The following CREB5 variants were observed in gnomAD, a reference collection of about 807,000 sequenced individuals.
The protein encoded by CREB5 is cAMP responsive element binding protein 5, also known as cyclic AMP-responsive element-binding protein 5.
Under a neutral mutation model 57.1 loss-of-function variants are expected in CREB5, and 19 were observed. The ratio of observed to expected loss-of-function variants is 0.33; its 90% CI spans 0.23 to 0.49. The LOEUF is 0.49. Among genes scored for constraint, CREB5 ranks in the 20% least tolerant of loss-of-function variants. The pLI, the probability that CREB5 is intolerant of heterozygous loss-of-function variation, is 0.99. For missense variants in CREB5, 579 were observed against 671.6 expected (o/e 0.86, Z 1.52); for synonymous variants, 238 against 238.3 (o/e 1.00, Z 0.01).
chr7:28,401,901 A>G (rs1787472688), intron 1 of CREB5, among the ~76,000 whole-genome samples: 1 of 152,214 alleles, frequency 6.6e-6, no homozygotes, highest in African/African-American at 2.4e-5. Flanking sequence ...TAGCAGCATG[A>G]TTTATAATCC....
At chr7:28,580,240 A>G (rs1421603994) in intron 5 of CREB5, among the ~76,000 whole-genome samples, 1 of 152,178 alleles carries the variant, frequency 6.6e-6, no homozygotes, top group African/African-American at 2.4e-5. Flanking sequence ...TAATTCAACT[A>G]AGCTTCATGC....
chr7:28,599,637 A>G (rs957285711), intron 5 of CREB5, among the ~76,000 whole-genome samples: 1 of 152,250 alleles, frequency 6.6e-6, no homozygotes, highest in Non-Finnish European at 1.5e-5. Context: ...ATAGCTCTGC[A>G]CTGCTGCAAA....
rs896175167 is a variant in CREB5, at chr7:28,435,634, T to G, written c.3+22717T>G. The stretch of plus-strand genomic sequence containing the variant: ...GGCAAGTTTTAGTGGTGGAGTCAAT[T>G]TATTTCTGAAACGATCTCATTTACC... On this transcript the variant is annotated intron_variant, in intron 1 of 10. Coordinates refer to ENST00000357727, the MANE Select transcript of CREB5 (RefSeq NM_182898.4). 4 of 985,242 alleles carry G rather than the reference T, an allele frequency of 4.1e-6. No homozygotes were observed. The African/African-American group carries it at 7.0e-5, about 17-fold the overall frequency. The allele number at this position is 985,242 out of a possible 1,614,324, so 61.0% of individuals were successfully genotyped here.
chr7:28,425,863 A>T (rs77620529), intron 1 of CREB5, among the ~76,000 whole-genome samples: 135 of 152,258 alleles, frequency 8.9e-4, no homozygotes, highest in African/African-American at 3.1e-3. Flanking sequence ...TTTCCTCTAG[A>T]TGGACTGCTG....
chr7:28,450,205 T>A (rs1196947103), intron 1 of CREB5, among the ~76,000 whole-genome samples: 2 of 152,216 alleles, frequency 1.3e-5, no homozygotes, highest in Non-Finnish European at 2.9e-5. Flanking sequence ...AATCCTGTTG[T>A]GACTGATAAT....
At chr7:28,418,255 T>C (rs1788099672) in intron 1 of CREB5, among the ~76,000 whole-genome samples, 1 of 152,238 alleles carries the variant, frequency 6.6e-6, no homozygotes, top group East Asian at 1.9e-4. Flanking sequence ...TTTAAAATAT[T>C]AGAAGAATCA....
chr7:28,392,023 C>G (rs1787227034), intron 1 of CREB5, among the ~76,000 whole-genome samples: 1 of 152,070 alleles, frequency 6.6e-6, no homozygotes, highest in Non-Finnish European at 1.5e-5. Flanking sequence ...AATGGAGGAA[C>G]AGAAAACCAA....
intron 5 of CREB5, among the ~76,000 whole-genome samples, chr7:28,598,591 A>C (rs1197739144): frequency 6.6e-6 from 1 of 152,152 alleles, no homozygotes; most frequent in Non-Finnish European, 1.5e-5. Flanking sequence ...GTTAATTAGC[A>C]CTGGTGAGTC....
chr7:28,573,690 G>C (rs1795793661), intron 5 of CREB5, among the ~76,000 whole-genome samples: 1 of 152,186 alleles, frequency 6.6e-6, no homozygotes, highest in South Asian at 2.1e-4. Flanking sequence ...AATGTATTGA[G>C]AGAGCTATCA....
chr7:28,531,554 G>A (rs1246613332), intron 4 of CREB5, among the ~76,000 whole-genome samples: 1 of 152,170 alleles, frequency 6.6e-6, no homozygotes, highest in Non-Finnish European at 1.5e-5. Context: ...TTACATCTGT[G>A]ATGACCCTGT....
intron 4 of CREB5, among the ~76,000 whole-genome samples, chr7:28,518,298 C>A (rs1341878999): frequency 6.6e-6 from 1 of 152,166 alleles, no homozygotes; most frequent in Non-Finnish European, 1.5e-5. Flanking sequence ...TCAGGCTCTG[C>A]AAGCAGTCAC....
intron 1 of CREB5, among the ~76,000 whole-genome samples, chr7:28,444,564 T>C (rs1192272990): frequency 6.6e-6 from 1 of 152,162 alleles, no homozygotes; most frequent in African/African-American, 2.4e-5. Flanking sequence ...GAAAGACTCT[T>C]CCACTGGCCT....
intron 5 of CREB5, among the ~76,000 whole-genome samples, chr7:28,675,302 T>C (rs1465305911): frequency 6.6e-6 from 1 of 152,240 alleles, no homozygotes; most frequent in African/African-American, 2.4e-5. Context: ...TCGTTTGTTT[T>C]GTTTCCTTCT....
Position 28,807,308 on chromosome 7 carries a change from G to A in CREB5, c.1027-1879G>A, listed in dbSNP as rs71539576. On this transcript the variant is annotated intron_variant, in intron 8 of 10. Transcript: ENST00000357727. Reference sequence around the variant, plus strand: ...CTAAAAAACTACAAAAATTAGCCAGGCATGGTGGCAGGCACCTGTAATCCC... The same window carrying A: ...CTAAAAAACTACAAAAATTAGCCAGACATGGTGGCAGGCACCTGTAATCCC... Among the ~76,000 whole-genome samples, 705 of 152,242 alleles carry A rather than the reference G, an allele frequency of 4.6e-3. 2 individuals are homozygous for A. The highest frequency in any genetic ancestry group is 0.03 in the South Asian group (146 of 4,816).
At chr7:28,696,793 CGT>C (rs1801590947) in intron 5 of CREB5, among the ~76,000 whole-genome samples, 4 of 147,956 alleles carry the variant, frequency 2.7e-5, no homozygotes, top group African/African-American at 1.1e-4. Flanking sequence ...CATACGTATA[CGT>C]ATACGTATAT....
intron 4 of CREB5, among the ~76,000 whole-genome samples, chr7:28,565,145 A>G (rs542784238): frequency 6.6e-6 from 1 of 152,336 alleles, no homozygotes; most frequent in South Asian, 2.1e-4. Context: ...TCATTTGGAA[A>G]CATTTGAGCC....
intron 5 of CREB5, among the ~76,000 whole-genome samples, chr7:28,668,392 GT>G (rs1160521777): frequency 3.3e-5 from 5 of 152,184 alleles, no homozygotes; most frequent in African/African-American, 1.2e-4. Context: ...ACATGTCAAA[GT>G]TTATTTCTCA....
chr7:28,419,797 T>C lies in CREB5; in HGVS notation c.3+6880T>C, dbSNP rs147629569. 7.9e-5 allele frequency among the ~76,000 whole-genome samples: 12 copies of C among 152,294 alleles called. No homozygotes were observed. In the East Asian group the frequency reaches 2.1e-3, roughly 27 times the overall value. On this transcript the variant is annotated intron_variant, in intron 1 of 10. Transcript: ENST00000357727. ...AAAAGATATTGTGAGATTAAAAAAA[T>C]TGAAACCATATTTAAGACACTCCTT...
intron 1 of CREB5, among the ~76,000 whole-genome samples, chr7:28,395,781 T>TTTTA (rs1554312584): frequency 1.3e-5 from 2 of 152,102 alleles, no homozygotes; most frequent in African/African-American, 4.8e-5. Context: ...GGAGTTTCTT[T>TTTTA]TTTCTTTCTT....
Sources: gnomAD v4.1 joint callset for allele counts (sites outside exome capture counted in the v4.1 genomes callset) on GRCh38, gnomAD v4.1.1 for gene constraint, MANE v1.5 for transcripts, NCBI Gene and HGNC (gene_info 2026-07-23, HGNC 2026-07-21) for gene names.